DGKB: variants seen among roughly 807,000 people sequenced by gnomAD.
DGKB encodes 90 kDa diacylglycerol kinase.
DGKB carries 67 observed loss-of-function variants against 114.3 expected under a neutral mutation model. The ratio of observed to expected loss-of-function variants is 0.59; its 90% confidence interval spans 0.48 to 0.72. The LOEUF (loss-of-function observed/expected upper bound fraction) is 0.72. Among genes scored for constraint, DGKB ranks in the 30% least tolerant of loss-of-function variants. DGKB has a pLI of 0.00. For synonymous variants in DGKB, 398 were observed against 323.1 expected (o/e 1.23, Z -2.49); for missense variants, 907 against 975.2 (o/e 0.93, Z 0.93).
At chr7:14,624,276 T>TAA (rs1227795335) in intron 14 of DGKB, among the ~76,000 whole-genome samples, 1 of 152,208 alleles carries the variant, frequency 6.6e-6, no homozygotes, top group Non-Finnish European at 1.5e-5. Context: ...TGCATATATA[T>TAA]AAAACATGGC....
chr7:14,876,605 A>G (rs1853328897), intron 1 of DGKB, among the ~76,000 whole-genome samples: 1 of 152,198 alleles, frequency 6.6e-6, no homozygotes, highest in Admixed American at 6.5e-5. Context: ...TATGAGTTCT[A>G]TGGTGTAAGT....
Position 14,248,498 on chromosome 7 carries a change from C to G in DGKB, c.2123-70347G>C, listed in dbSNP as rs142708563. On this transcript the variant is annotated intron_variant, in intron 23 of 25. Transcript: ENST00000402815. ...ACGATTCAAGAACATGGATATTTTT[C>G]CATTTATTCATGTCTTCTTGAATTT... Among the ~76,000 whole-genome samples the G allele has an allele frequency of 8.7e-4, 132 of 152,014 alleles. 1 individual carries two copies. In the East Asian group the frequency reaches 0.022, roughly 25 times the overall value.
At chr7:14,521,463 A>T (rs539414755) in intron 20 of DGKB, among the ~76,000 whole-genome samples, 1 of 152,250 alleles carries the variant, frequency 6.6e-6, no homozygotes, top group Admixed American at 6.5e-5. Context: ...CTGTAGATTA[A>T]TGTATTACAT....
intron 9 of DGKB, among the ~76,000 whole-genome samples, chr7:14,689,215 T>TA (rs1822352323): frequency 1.5e-5 from 2 of 136,656 alleles, no homozygotes; most frequent in Non-Finnish European, 3.2e-5. Flanking sequence ...TTTTTTTTTT[T>TA]TTTTTTTTTG....
At chr7:14,614,109 A>G (rs1055575433) in intron 15 of DGKB, among the ~76,000 whole-genome samples, 1 of 152,190 alleles carries the variant, frequency 6.6e-6, no homozygotes, top group African/African-American at 2.4e-5. Context: ...CTCAGCTCTC[A>G]GTTGAACAAG....
intron 1 of DGKB, among the ~76,000 whole-genome samples, chr7:14,901,750 T>A (rs560662983): frequency 6.6e-6 from 1 of 152,126 alleles, no homozygotes; most frequent in Non-Finnish European, 1.5e-5. Context: ...CTTGCATTCA[T>A]GTTTATTTGG....
intron 21 of DGKB, among the ~76,000 whole-genome samples, chr7:14,461,236 G>T (rs369923096): frequency 6.6e-6 from 1 of 151,302 alleles, no homozygotes; most frequent in African/African-American, 2.4e-5. Context: ...CAGAAGACAA[G>T]AAATAGCTAA....
intron 21 of DGKB, among the ~76,000 whole-genome samples, chr7:14,366,934 A>G (rs926328984): frequency 2.0e-5 from 3 of 152,156 alleles, no homozygotes; most frequent in Non-Finnish European, 2.9e-5. Context: ...CCTGTAGTGT[A>G]AGGACAATGG....
At chr7:14,636,608 A>G (rs1810806482) in intron 13 of DGKB, among the ~76,000 whole-genome samples, 1 of 151,898 alleles carries the variant, frequency 6.6e-6, no homozygotes, top group Non-Finnish European at 1.5e-5. Context: ...ACAAGATACG[A>G]TAACTATAGA....
intron 21 of DGKB, among the ~76,000 whole-genome samples, chr7:14,433,160 C>T (rs1398084449): frequency 1.3e-5 from 2 of 152,154 alleles, no homozygotes; most frequent in African/African-American, 4.8e-5. Context: ...TATTGACTGG[C>T]TAGCAGGAAG....
chr7:14,701,467 T>A (rs1304573919), intron 7 of DGKB, among the ~76,000 whole-genome samples: 1 of 152,214 alleles, frequency 6.6e-6, no homozygotes, highest in African/African-American at 2.4e-5. Flanking sequence ...AAAGTCATGC[T>A]GTGGTATGCA....
chr7:14,722,673 G>A (rs775135752), intron 5 of DGKB, among the ~76,000 whole-genome samples: 80 of 152,062 alleles, frequency 5.3e-4, no homozygotes, highest in Non-Finnish European at 8.1e-4. Flanking sequence ...TTAGCTGGGC[G>A]CGGTGGTACA....
chr7:14,327,096 GT>G (rs1808872963), intron 23 of DGKB, among the ~76,000 whole-genome samples: 1 of 152,018 alleles, frequency 6.6e-6, no homozygotes, highest in African/African-American at 2.4e-5. Context: ...TATTTTAAAT[GT>G]TTTGGATAAC....
chr7:14,500,831 G>C (rs1786054442), intron 20 of DGKB, among the ~76,000 whole-genome samples: 1 of 151,730 alleles, frequency 6.6e-6, no homozygotes, highest in Non-Finnish European at 1.5e-5. Flanking sequence ...TTGTATAGCG[G>C]TGAAATATTT....
At chr7:14,323,209 T>C (rs1257299278) in intron 23 of DGKB, among the ~76,000 whole-genome samples, 3 of 152,176 alleles carry the variant, frequency 2.0e-5, no homozygotes, top group African/African-American at 7.2e-5. Context: ...ATATATGCCA[T>C]ATAATTCTAC....
chr7:14,375,779 A>C (rs914526348), intron 21 of DGKB, among the ~76,000 whole-genome samples: 1 of 152,196 alleles, frequency 6.6e-6, no homozygotes, highest in African/African-American at 2.4e-5. Context: ...CTCTCCTCTG[A>C]AAGACTGGAA....
intron 23 of DGKB, among the ~76,000 whole-genome samples, chr7:14,279,455 G>A (rs994146746): frequency 1.3e-5 from 2 of 152,188 alleles, no homozygotes; most frequent in Admixed American, 1.3e-4. Flanking sequence ...AAAGACAGCA[G>A]TAACCTCTGC....
At chr7:14,747,268 C>G (rs575972703) in intron 4 of DGKB, among the ~76,000 whole-genome samples, 1 of 149,332 alleles carries the variant, frequency 6.7e-6, no homozygotes, top group East Asian at 2.0e-4. Flanking sequence ...TCATAGCTCA[C>G]TGCAGCCTCA....
At chr7:14,768,166 C>A (rs181358204) in intron 2 of DGKB, among the ~76,000 whole-genome samples, 1 of 152,044 alleles carries the variant, frequency 6.6e-6, no homozygotes, top group East Asian at 1.9e-4. Flanking sequence ...CCAAATCTTA[C>A]ATTGAGAACA....
Sources: gnomAD v4.1 joint callset for allele counts (sites outside exome capture counted in the v4.1 genomes callset) on GRCh38, gnomAD v4.1.1 for gene constraint, MANE v1.5 for transcripts, NCBI Gene and HGNC (gene_info 2026-07-23, HGNC 2026-07-21) for gene names.